The following CDK10 variants were observed in gnomAD, a reference collection of about 807,000 sequenced individuals.
The protein encoded by CDK10 is cyclin dependent kinase 10.
CDK10 carries 55 observed loss-of-function variants against 51.0 expected under a neutral mutation model. The observed-to-expected ratio is 1.08, with a 90% CI of 0.87 to 1.35. The LOEUF (loss-of-function observed/expected upper bound fraction) is 1.35. Among genes scored for constraint, CDK10 ranks in the 40% most tolerant of loss-of-function variants. CDK10 has a pLI of 0.00. For synonymous variants in CDK10, 255 were observed against 199.1 expected (o/e 1.28, Z -2.36); for missense variants, 589 against 485.1 (o/e 1.21, Z -2.01).
At chr16:89,693,612 A>G in intron 8 of CDK10, 145 bp downstream of exon 8, 2 of 787,484 alleles carry the variant, frequency 2.5e-6, no homozygotes, top group Non-Finnish European at 4.2e-6. Context: ...TGGGTCTAGG[A>G]CAGCCTCCAG....
intron 6 of CDK10, 25 bp downstream of exon 6, chr16:89,692,541 G>A (rs1044258886): frequency 3.2e-6 from 5 of 1,554,198 alleles, no homozygotes; most frequent in African/African-American, 2.8e-5. Flanking sequence ...GGCAGAGTTG[G>A]AAGCACAAAT....
At chr16:89,695,550 A>T in intron 12 of CDK10, 45 bp from the exon 13 acceptor site, 1 of 1,571,534 alleles carries the variant, frequency 6.4e-7, no homozygotes. Flanking sequence ...TGCTCCTCCT[A>T]TCTGGGGCCC....
At chr16:89,686,841 G>A (rs371479411) in intron 1 of CDK10, 44 bp downstream of exon 1, 272 of 1,527,140 alleles carry the variant, frequency 1.8e-4, no homozygotes, top group Non-Finnish European at 1.6e-4. Context: ...CCTCGCTAGC[G>A]GCACTGCCCG....
chr16:89,687,707 C>T (rs550636317), intron 1 of CDK10: 9 of 410,572 alleles, frequency 2.2e-5, no homozygotes, highest in South Asian at 6.9e-5. Flanking sequence ...GAATTACAGG[C>T]GTGAGCCACC....
chr16:89,692,770 C>T (rs1036749935), intron 6 of CDK10: 3 of 374,886 alleles, frequency 8.0e-6, no homozygotes, highest in African/African-American at 4.2e-5. Context: ...GGAGCCACCA[C>T]ACCCAGGCAT....
At chr16:89,694,610 G>A (rs766263184) in intron 9 of CDK10, 55 bp from the exon 10 acceptor site, 129 of 1,556,538 alleles carry the variant, frequency 8.3e-5, no homozygotes, top group Middle Eastern at 3.3e-4. Context: ...TCTGTTCCTC[G>A]CGCTGGCGGG....
chr16:89,691,799 C>G lies in CDK10; in HGVS notation c.336-7C>G, dbSNP rs1407610382. On this transcript the variant is annotated splice_region_variant and splice_polypyrimidine_tract_variant and intron_variant, in intron 4 of 12. Transcript: ENST00000353379. ...GGAGAGTGGCATGCATCTTCTGTTT[C>G]TTCCAGCATCTTCCTGGTGATGGGT... 1.2e-6 allele frequency: 2 copies of G among 1,613,568 alleles called. No homozygotes were observed. The highest frequency in any genetic ancestry group is 1.7e-6 in the Non-Finnish European group (2 of 1,179,642).
rs1034937782 is a variant in CDK10 at position 89,696,268 on chromosome 16, C to G, written c.*576C>G. 4.3e-6 allele frequency: 1 copy of G among 232,946 alleles called. No homozygotes were observed. Among genetic ancestry groups the G allele is most frequent in the East Asian group, 1.1e-4 (1 of 9,386 alleles). 14.4% of individuals were successfully genotyped at this position (232,946 alleles called of 1,614,324 possible). On this transcript the variant is annotated 3_prime_UTR_variant, in exon 13 of 13. Transcript: ENST00000353379. ...CTGGAGGCTGAGCTGCATCCCTGCT[C>G]CCCACATGGAGGACCCAACAGGAGG...
Position 89,690,582 on chromosome 16 carries a change from A to G in CDK10, c.190A>G (p.Ile64Val). 6.2e-7 allele frequency: 1 copy of G among 1,614,050 alleles called. No individual in the cohort carries two copies. Among genetic ancestry groups the G allele is most frequent in the Non-Finnish European group, 8.5e-7 (1 of 1,179,996 alleles). ...GGCCCGGGACACCCAGACAGATGAG[A>G]TTGTCGCACTGAAGAAGGTGCGGAT... ...YRARDTQTDE[I>V]VALKKVRMDK... The change falls in exon 3 of 13, where the codon ATT (isoleucine) becomes GTT (valine). Residue 64 changes from isoleucine (I) to valine (V), a missense_variant. Ile to Val is a conservative substitution (Grantham distance 29). Transcript: ENST00000353379.
intron 12 of CDK10, 91 bp from the exon 13 acceptor site, chr16:89,695,504 C>G (rs1300399094): frequency 3.3e-6 from 5 of 1,503,378 alleles, no homozygotes; most frequent in Non-Finnish European, 4.5e-6. Context: ...AGCCCAGGGC[C>G]AGGTCCAGAG....
In CDK10 at chr16:89,691,434, C is replaced by A. The variant is rs543590749; in HGVS notation, c.233-9C>A. ...GGGTGGGGCTCGCTGAGGCCACCTC[C>A]CTCCCCAGGCATCCCCATCAGCAGC... On this transcript the variant is annotated splice_polypyrimidine_tract_variant and intron_variant, in intron 3 of 12. Transcript: ENST00000353379. The A allele has an allele frequency of 6.3e-7, 1 of 1,596,920 alleles. No homozygotes were observed. Among genetic ancestry groups the A allele is most frequent in the East Asian group, 2.2e-5 (1 of 44,610 alleles).
chr16:89,690,742 A>C, intron 3 of CDK10, 118 bp downstream of exon 3: 1 of 892,398 alleles, frequency 1.1e-6, no homozygotes, highest in Middle Eastern at 2.7e-4. Flanking sequence ...GGCCTCTGGG[A>C]GGGTTCTGGT....
chr16:89,689,089 G>A (rs370991171), intron 1 of CDK10, among the ~76,000 whole-genome samples, 163 bp from the exon 2 acceptor site: 1 of 152,058 alleles, frequency 6.6e-6, no homozygotes, highest in Admixed American at 6.6e-5. Flanking sequence ...AACAGAGCGA[G>A]ACTCAGTCTC....
In CDK10 at chr16:89,695,632, C is replaced by G. The variant is rs2060689069; in HGVS notation, c.1023C>G (p.His341Gln). 5 of 1,605,952 alleles carry G rather than the reference C, an allele frequency of 3.1e-6. No individual in the cohort carries two copies. Among genetic ancestry groups the G allele is most frequent in the Non-Finnish European group, 4.2e-6 (5 of 1,177,802 alleles). ...AGCTCATGCCGACCTTTCCCCACCA[C>G]CGCAACAAGCGGGCCGCCCCAGCCA... is the stretch of plus-strand genomic sequence containing the variant. ...EPELMPTFPH[H>Q]RNKRAAPATS... Residue 341 changes from histidine to glutamine, a missense_variant, in exon 13 of 13, where the codon CAC becomes CAG. His to Gln is a conservative substitution (Grantham distance 24). Transcript: ENST00000353379.
intron 6 of CDK10, 121 bp from the exon 7 acceptor site, chr16:89,693,153 A>G: frequency 1.3e-6 from 1 of 757,876 alleles, no homozygotes; most frequent in Non-Finnish European, 2.1e-6. Context: ...AAAAAAAAAA[A>G]GATACTAAAA....
chr16:89,691,647 G>A (rs1232552086), intron 4 of CDK10, 102 bp downstream of exon 4: 10 of 1,242,856 alleles, frequency 8.0e-6, no homozygotes, highest in Non-Finnish European at 1.2e-5. Flanking sequence ...GCATGAGGTT[G>A]TCAGAGAAGA....
chr16:89,688,598 C>T (rs2060306130), intron 1 of CDK10, among the ~76,000 whole-genome samples: 1 of 152,308 alleles, frequency 6.6e-6, no homozygotes, highest in South Asian at 2.1e-4. Flanking sequence ...CTGGAAGTCA[C>T]ACGGTCCCTT....
At position 89,690,615 on chromosome 16, in the gene CDK10, G is replaced by C. The variant is rs2060401688; in HGVS notation, c.223G>C (p.Glu75Gln). ...VALKKVRMDK[E>Q]KDGIPISSLR... ...ACTGAAGAAGGTGCGGATGGACAAG[G>C]AGAAGGATGGTGAGCAGGAAATTGG... The change falls in exon 3 of 13, where the codon GAG (glutamate) becomes CAG (glutamine). Residue 75 changes from glutamate to glutamine, a missense_variant. Physicochemically the swap from Glu to Gln is conservative, Grantham distance 29. Transcript: ENST00000353379. The C allele has an allele frequency of 1.2e-6, 2 of 1,614,016 alleles. No individual in the cohort carries two copies. The highest frequency in any genetic ancestry group is 1.7e-6 in the Non-Finnish European group (2 of 1,179,902).
At chr16:89,692,774 C>T (rs1484467725) in intron 6 of CDK10, 1 of 365,990 alleles carries the variant, frequency 2.7e-6, no homozygotes, top group Non-Finnish European at 4.9e-6. Flanking sequence ...CCACCACACC[C>T]AGGCATGCAC....
Sources: gnomAD v4.1 joint callset for allele counts (sites outside exome capture counted in the v4.1 genomes callset) on GRCh38, gnomAD v4.1.1 for gene constraint, MANE v1.5 for transcripts, NCBI Gene and HGNC (gene_info 2026-07-23, HGNC 2026-07-21) for gene names.